UNC79: variants seen among roughly 807,000 people sequenced by gnomAD.
UNC79 encodes protein unc-79 homolog.
UNC79 carries 37 observed loss-of-function variants against 283.1 expected under a neutral mutation model. That is an observed-to-expected ratio of 0.13 (90% confidence interval 0.10 to 0.17). The LOEUF (loss-of-function observed/expected upper bound fraction) is 0.17. Among genes scored for constraint, UNC79 ranks in the 10% least tolerant of loss-of-function variants. The pLI is 1.00. For missense variants in UNC79, 2,272 were observed against 3,211.1 expected, an observed-to-expected ratio of 0.71 and a Z score of 7.07; for synonymous variants, 1,107 against 1,200.2, an observed-to-expected ratio of 0.92 and a Z score of 1.61.
chr14:93,504,152 T>C (rs558627870), intron 7 of UNC79, among the ~76,000 whole-genome samples: 1 of 152,130 alleles, frequency 6.6e-6, no homozygotes, highest in South Asian at 2.1e-4. Flanking sequence ...TTTTAATTAC[T>C]GTAGCTTAAT....
chr14:93,667,645 A>G (rs186489001), intron 40 of UNC79, among the ~76,000 whole-genome samples: 1 of 152,308 alleles, frequency 6.6e-6, no homozygotes, highest in East Asian at 1.9e-4. Flanking sequence ...TATACAAACT[A>G]ATAGAATAGA....
intron 1 of UNC79, among the ~76,000 whole-genome samples, chr14:93,416,124 T>G (rs1402925806): frequency 1.1e-3 from 120 of 108,422 alleles, no homozygotes; most frequent in Non-Finnish European, 1.3e-3. Flanking sequence ...GGGTGTCAAT[T>G]TTGGATCTTT....
rs139962478 is a variant in UNC79 at position 93,578,127 on chromosome 14, A to G, written c.2433+64A>G. On this transcript the variant is annotated intron_variant, in intron 18 of 48. Transcript: ENST00000555664. ...GAATGAGAGAAAGCGTTGTACAGCA[A>G]TTCTTTCCATGTGTTGGGCATCTCC... The G allele has an allele frequency of 2.2e-4, 327 of 1,459,200 alleles. No individual in the cohort carries two copies. The African/African-American group carries it at 3.4e-3, about 15-fold the overall frequency. The allele number at this position is 1,459,200 out of a possible 1,614,324, so 90.4% of individuals were successfully genotyped here.
chr14:93,473,184 A>T (rs956916119), intron 2 of UNC79, among the ~76,000 whole-genome samples: 1 of 152,092 alleles, frequency 6.6e-6, no homozygotes, highest in South Asian at 2.1e-4. Flanking sequence ...CGTAAGTAGC[A>T]GCAGTAATAT....
chr14:93,676,592 G>T (rs1017159000), intron 41 of UNC79, among the ~76,000 whole-genome samples: 2 of 152,154 alleles, frequency 1.3e-5, no homozygotes, highest in African/African-American at 4.8e-5. Flanking sequence ...TCCCTTAATT[G>T]CCCTTTGTCT....
chr14:93,641,439 G>T (rs779716911), intron 33 of UNC79, among the ~76,000 whole-genome samples, 192 bp downstream of exon 36: 1 of 152,158 alleles, frequency 6.6e-6, no homozygotes, highest in Non-Finnish European at 1.5e-5. Flanking sequence ...GATTGCTTGA[G>T]CCCAGGAGTT....
rs2056248549 is a variant in UNC79, at chr14:93,440,344, G to T, written c.22+9293G>T. 2.0e-5 allele frequency among the ~76,000 whole-genome samples: 3 copies of T among 151,844 alleles called. No individual in the cohort carries two copies. In the South Asian group the frequency reaches 6.3e-4, roughly 32 times the overall value. ...CTCTCCTGCCCCCTTTAAAAAATTG[G>T]GTTAGTGGTTTGTCTATTTTGTCGA... On this transcript the variant is annotated intron_variant, in intron 1 of 48. Coordinates refer to ENST00000555664, the Ensembl canonical transcript of UNC79.
At chr14:93,486,375 G>A (rs1053408242) in intron 4 of UNC79, among the ~76,000 whole-genome samples, 1 of 152,002 alleles carries the variant, frequency 6.6e-6, no homozygotes, top group African/African-American at 2.4e-5. Flanking sequence ...GTCCTCTTGG[G>A]GCCAGGCACA....
At chr14:93,480,395 A>G (rs936546675) in intron 4 of UNC79, among the ~76,000 whole-genome samples, 1 of 152,080 alleles carries the variant, frequency 6.6e-6, no homozygotes, top group Non-Finnish European at 1.5e-5. Flanking sequence ...AGTAACATCA[A>G]TATTATTTTA....
At chr14:93,400,114 C>G (rs2055077689) in intron 1 of UNC79, among the ~76,000 whole-genome samples, 1 of 152,122 alleles carries the variant, frequency 6.6e-6, no homozygotes, top group Non-Finnish European at 1.5e-5. Context: ...CTGGCTGATT[C>G]TTCTACTTTT....
At chr14:93,384,580 C>A (rs2054731347) in intron 1 of UNC79, among the ~76,000 whole-genome samples, 1 of 152,170 alleles carries the variant, frequency 6.6e-6, no homozygotes, top group South Asian at 2.1e-4. Flanking sequence ...TGTTTGAACT[C>A]ATTATATATT....
intron 14 of UNC79, among the ~76,000 whole-genome samples, chr14:93,563,652 T>A (rs1247468770): frequency 6.6e-6 from 1 of 152,108 alleles, no homozygotes; most frequent in African/African-American, 2.4e-5. Context: ...CGATTAGGCC[T>A]GGTGGAACTG....
intron 8 of UNC79, among the ~76,000 whole-genome samples, chr14:93,527,702 T>C (rs1007861906): frequency 5.3e-5 from 8 of 152,284 alleles, no homozygotes; most frequent in African/African-American, 1.9e-4. Context: ...TCTTAACTGC[T>C]TACTCAGCTA....
At chr14:93,475,675 C>T (rs1334338837) in intron 3 of UNC79, among the ~76,000 whole-genome samples, 2 of 152,210 alleles carry the variant, frequency 1.3e-5, no homozygotes, top group African/African-American at 2.4e-5. Flanking sequence ...GCGTCTCCTT[C>T]GTGACTACTA....
intron 35 of UNC79, among the ~76,000 whole-genome samples, chr14:93,650,021 A>T (rs2070072070): frequency 6.6e-6 from 1 of 152,182 alleles, no homozygotes; most frequent in Non-Finnish European, 1.5e-5. Context: ...ATATTTTTCC[A>T]CATGGGTTGA....
intron 8 of UNC79, among the ~76,000 whole-genome samples, chr14:93,527,502 G>A (rs528323537): frequency 1.3e-5 from 2 of 152,268 alleles, no homozygotes; most frequent in African/African-American, 2.4e-5. Flanking sequence ...CTTTGTCATC[G>A]GGGAATATAT....
chr14:93,648,462 TA>T (rs994096273), intron 35 of UNC79, among the ~76,000 whole-genome samples: 1 of 152,012 alleles, frequency 6.6e-6, no homozygotes, highest in Non-Finnish European at 1.5e-5. Context: ...AGGATATATT[TA>T]GGAAATATTT....
chr14:93,550,189 TAC>T (rs918560854), intron 14 of UNC79, among the ~76,000 whole-genome samples: 1 of 152,220 alleles, frequency 6.6e-6, no homozygotes, highest in African/African-American at 2.4e-5. Flanking sequence ...TTTAGTTAGT[TAC>T]AGTTTGTTTT....
At chr14:93,379,047 A>G (rs530851915) in intron 1 of UNC79, among the ~76,000 whole-genome samples, 1 of 152,272 alleles carries the variant, frequency 6.6e-6, no homozygotes, top group Non-Finnish European at 1.5e-5. Flanking sequence ...AAAAGAGTAT[A>G]AGAGAGTCAA....
Sources: gnomAD v4.1 joint callset for allele counts (sites outside exome capture counted in the v4.1 genomes callset) on GRCh38, gnomAD v4.1.1 for gene constraint, MANE v1.5 for transcripts, NCBI Gene and HGNC (gene_info 2026-07-23, HGNC 2026-07-21) for gene names.